ABCF2: variants seen among roughly 807,000 people sequenced by gnomAD.
The protein encoded by ABCF2 is ATP binding cassette subfamily F member 2.
ABCF2 carries 37 observed loss-of-function variants against 76.9 expected under a neutral mutation model. The ratio of observed to expected loss-of-function variants is 0.48; its 90% CI spans 0.37 to 0.63. The LOEUF is 0.63. Ranked by LOEUF, ABCF2 falls within the 30% of genes least tolerant of loss-of-function variation. The probability of loss-of-function intolerance (pLI) is 0.00; values close to 1 mark genes in which losing one functional copy is unlikely to be tolerated. For synonymous variants in ABCF2, 299 were observed against 283.7 expected, an observed-to-expected ratio of 1.05 and a Z score of -0.54; for missense variants, 524 against 782.1, an observed-to-expected ratio of 0.67 and a Z score of 3.94.
At position 151,222,572 on chromosome 7, in the gene ABCF2, G is replaced by A; in HGVS notation, c.767C>T (p.Thr256Ile). 6.2e-7 allele frequency: 1 copy of A among 1,613,904 alleles called. No individual in the cohort carries two copies. The highest frequency in any genetic ancestry group is 8.5e-7 in the Non-Finnish European group (1 of 1,179,890). ...GCAAGCATCTAGGTCCAGGTGGTTG[G>A]TAGGCTCATCCAGGAGCAGCATGAA... ...RPFMLLLDEP[T>I]NHLDLDACVW... is the part of the protein sequence containing the mutation. Residue 256 changes from threonine (T) to isoleucine (I), a missense_variant, in exon 6 of 15, where the codon ACC becomes ATC. Coordinates refer to ENST00000287844, the MANE Select transcript of ABCF2 (RefSeq NM_007189.3).
intron 3 of ABCF2, among the ~76,000 whole-genome samples, chr7:151,224,319 C>T (rs1802332311): frequency 6.6e-6 from 1 of 151,900 alleles, no homozygotes. Context: ...CACCCCTTAT[C>T]TGAAGCTTTT....
intron 7 of ABCF2, among the ~76,000 whole-genome samples, chr7:151,221,309 C>G (rs955427864): frequency 3.3e-5 from 5 of 151,642 alleles, no homozygotes; most frequent in Admixed American, 3.3e-4. Flanking sequence ...AAGTGATTCT[C>G]CTGCCTCAGC....
chr7:151,216,095 G>T (rs973913216), intron 11 of ABCF2, 66 bp from the exon 12 acceptor site: 1 of 1,415,482 alleles, frequency 7.1e-7, no homozygotes, highest in African/African-American at 1.4e-5. Flanking sequence ...CATAGGCAGA[G>T]CAGGCAAACA....
chr7:151,224,462 T>C (rs1329207147), intron 3 of ABCF2, among the ~76,000 whole-genome samples: 2 of 152,176 alleles, frequency 1.3e-5, no homozygotes, highest in Non-Finnish European at 2.9e-5. Flanking sequence ...TTTTAAGTGC[T>C]CACATGATGC....
intron 3 of ABCF2, among the ~76,000 whole-genome samples, chr7:151,224,544 A>G (rs1186816106): frequency 6.6e-6 from 1 of 152,210 alleles, no homozygotes; most frequent in Non-Finnish European, 1.5e-5. Context: ...TATAATGCAA[A>G]TATTCCAAGA....
At position 151,216,033 on chromosome 7, in the gene ABCF2, G is replaced by C. The variant is rs1398982016; in HGVS notation, c.1339-4C>G. ...TCATGCCATCTGTGGGTAGTAGCTAGGAAGAAAAAAGTAGAAACGTAAGCA... is the reference window on the plus strand; with the variant it reads ...TCATGCCATCTGTGGGTAGTAGCTACGAAGAAAAAAGTAGAAACGTAAGCA... On this transcript the variant is annotated splice_region_variant and splice_polypyrimidine_tract_variant and intron_variant, in intron 11 of 14. Transcript: ENST00000287844. The C allele has an allele frequency of 1.2e-6, 2 of 1,613,832 alleles. No individual in the cohort carries two copies. The highest frequency in any genetic ancestry group is 1.7e-6 in the Non-Finnish European group (2 of 1,179,812).
At chr7:151,225,545 G>A (rs1026463531) in intron 2 of ABCF2, among the ~76,000 whole-genome samples, 1 of 152,210 alleles carries the variant, frequency 6.6e-6, no homozygotes, top group Non-Finnish European at 1.5e-5. Context: ...ATCTTGAGCT[G>A]GGCCTTGACA....
chr7:151,212,536 G>A lies in ABCF2; in HGVS notation c.*1518C>T, dbSNP rs1309844388. ...TTTTTTTGAGACAGTGTCTCGGTCT[G>A]TCATCAGGCTGGAGTGTAGCGGCAC... On this transcript the variant is annotated 3_prime_UTR_variant, in exon 15 of 15. Transcript: ENST00000287844. 8.2e-6 allele frequency: 8 copies of A among 973,782 alleles called. No individual in the cohort carries two copies. Among genetic ancestry groups the A allele is most frequent in the Non-Finnish European group, 9.8e-6 (8 of 819,428 alleles). 60.3% of individuals were successfully genotyped at this position (973,782 alleles called of 1,614,324 possible).
Position 151,226,339 on chromosome 7 carries a change from T to C in ABCF2, c.120A>G (p.Ala40=). The C allele has an allele frequency of 1.9e-6, 3 of 1,614,174 alleles. No homozygotes were observed. Among genetic ancestry groups the C allele is most frequent in the Non-Finnish European group, 2.5e-6 (3 of 1,180,018 alleles). ...CTCTGCCATTGGCCTCATTCTTCTC[T>C]GCCACCTGTGGTTCTGTGACAACAT... is the stretch of plus-strand genomic sequence containing the variant. ...NGDVVTEPQV[A]EKNEANGRET... The change falls in exon 2 of 15, where the codon GCA becomes GCG. Residue 40 remains alanine, a synonymous_variant. Transcript: ENST00000287844.
chr7:151,226,610 C>T lies in ABCF2; in HGVS notation c.-42-110G>A, dbSNP rs1209346926. The T allele has an allele frequency of 2.6e-5, 21 of 798,344 alleles. No homozygotes were observed. The South Asian group carries it at 3.7e-4, about 14-fold the overall frequency. The allele number at this position is 798,344 out of a possible 1,614,324, so 49.5% of individuals were successfully genotyped here. A position where few individuals can be genotyped will look rare whatever the true frequency, so the allele number is the denominator to read the frequency against. On this transcript the variant is annotated intron_variant, in intron 1 of 14. Coordinates refer to ENST00000287844, the MANE Select transcript of ABCF2 (RefSeq NM_007189.3). ...TCGTATCAACATCAAGCCTCTGATGCCCTGGCCTGCCCCCGCCTCGTCTGT... is the reference window on the plus strand; with the variant it reads ...TCGTATCAACATCAAGCCTCTGATGTCCTGGCCTGCCCCCGCCTCGTCTGT...
chr7:151,213,281 G>A lies in ABCF2; in HGVS notation c.*773C>T. On this transcript the variant is annotated 3_prime_UTR_variant, in exon 15 of 15. Transcript: ENST00000287844. Reference sequence around the variant, plus strand: ...GCGAGATCTGGCAATCTGATTGCATGAGCCCTCCAGGTGATTCTGATTCAT... The same window carrying A: ...GCGAGATCTGGCAATCTGATTGCATAAGCCCTCCAGGTGATTCTGATTCAT... 2 of 978,676 alleles carry A rather than the reference G, an allele frequency of 2.0e-6. No homozygotes were observed. The highest frequency in any genetic ancestry group is 2.4e-6 in the Non-Finnish European group (2 of 823,804). 60.6% of individuals were successfully genotyped at this position (978,676 alleles called of 1,614,324 possible).
In ABCF2 at chr7:151,222,503, C is replaced by A; in HGVS notation, c.818+18G>T. The A allele has an allele frequency of 6.2e-7, 1 of 1,606,986 alleles. No individual in the cohort carries two copies. Among genetic ancestry groups the A allele is most frequent in the South Asian group, 1.1e-5 (1 of 90,830 alleles). On this transcript the variant is annotated intron_variant, in intron 6 of 14. Transcript: ENST00000287844. ...CTTTGGGACCTGCCCGCTCACATCC[C>A]CCATTCCACCCTCTTACGTTTTTAG...
chr7:151,226,154 C>A, intron 2 of ABCF2, 151 bp downstream of exon 2: 1 of 966,620 alleles, frequency 1.0e-6, no homozygotes, highest in South Asian at 1.7e-5. Flanking sequence ...CAGGGTGGCA[C>A]GAATTCCAAC....
chr7:151,218,923 C>A, intron 8 of ABCF2, 50 bp from the exon 9 acceptor site: 1 of 1,610,286 alleles, frequency 6.2e-7, no homozygotes, highest in Non-Finnish European at 8.5e-7. Flanking sequence ...CTCAACAATT[C>A]ATCTTCAATC....
rs1268818842 is a variant in ABCF2, at chr7:151,213,964, G to A, written c.*90C>T. ...AGCAGTATTGCAGCAATGCAGGAGT[G>A]TAGCCCCAGGGTCCTGTCCTGAGCG... On this transcript the variant is annotated 3_prime_UTR_variant, in exon 15 of 15. Coordinates refer to ENST00000287844, the MANE Select transcript of ABCF2 (RefSeq NM_007189.3). The A allele has an allele frequency of 2.6e-5, 41 of 1,560,436 alleles. No individual in the cohort carries two copies. The highest frequency in any genetic ancestry group is 3.5e-5 in the Non-Finnish European group (41 of 1,159,242).
Position 151,226,474 on chromosome 7 carries a change from G to T in ABCF2, c.-16C>A, listed in dbSNP as rs1018148779. The T allele has an allele frequency of 6.2e-7, 1 of 1,611,528 alleles. No individual in the cohort carries two copies. ...CGGAGGGCATGATGATGACCCACAG[G>T]GGTAGGTTACTGTTGTTTCAGGGAG... On this transcript the variant is annotated 5_prime_UTR_variant, in exon 2 of 15. Transcript: ENST00000287844.
At chr7:151,226,118 T>TCG (rs1249564131) in intron 2 of ABCF2, among the ~76,000 whole-genome samples, 187 bp downstream of exon 2, 1 of 152,180 alleles carries the variant, frequency 6.6e-6, no homozygotes, top group Non-Finnish European at 1.5e-5. Context: ...TGTGAGAACC[T>TCG]CGTCTTCGGC....
chr7:151,212,597 A>G lies in ABCF2; in HGVS notation c.*1457T>C, dbSNP rs565505085. 11 of 618,662 alleles carry G rather than the reference A, an allele frequency of 1.8e-5. No homozygotes were observed. In the East Asian group the frequency reaches 1.4e-3, roughly 79 times the overall value. 38.3% of individuals were successfully genotyped at this position (618,662 alleles called of 1,614,324 possible). On this transcript the variant is annotated 3_prime_UTR_variant, in exon 15 of 15. Transcript: ENST00000287844. ...CTGCAGCCTCAACCTCCTGGGCTCA[A>G]GTGAGCCTCCTCTTATCAGAGCAGC...
Position 151,211,800 on chromosome 7 carries a change from C to G in ABCF2, c.*2254G>C. On this transcript the variant is annotated 3_prime_UTR_variant, in exon 15 of 15. Coordinates refer to ENST00000287844, the MANE Select transcript of ABCF2 (RefSeq NM_007189.3). Reference sequence around the variant, plus strand: ...CTAACCTGGGCCATTTTGCTCCAGGCCCCACTTAAGGCATAAAGCAGTCAA... The same window carrying G: ...CTAACCTGGGCCATTTTGCTCCAGGGCCCACTTAAGGCATAAAGCAGTCAA... The G allele has an allele frequency of 1.0e-6, 1 of 985,294 alleles. No individual in the cohort carries two copies. The highest frequency in any genetic ancestry group is 1.2e-6 in the Non-Finnish European group (1 of 829,898). 61.0% of individuals were successfully genotyped at this position (985,294 alleles called of 1,614,324 possible).
Sources: gnomAD v4.1 joint callset for allele counts (sites outside exome capture counted in the v4.1 genomes callset) on GRCh38, gnomAD v4.1.1 for gene constraint, MANE v1.5 for transcripts, NCBI Gene and HGNC (gene_info 2026-07-23, HGNC 2026-07-21) for gene names.